The following DENND3 variants were observed in gnomAD, a reference collection of about 807,000 sequenced individuals.
The protein encoded by DENND3 is DENN domain-containing protein 3.
In DENND3, 88 loss-of-function variants were observed where a neutral mutation model predicts 135.1. That is an observed-to-expected ratio of 0.65 (90% CI 0.55 to 0.78). The LOEUF is 0.78. Among genes scored for constraint, DENND3 ranks in the 30% least tolerant of loss-of-function variants. The pLI is 0.00. For missense variants in DENND3, 1,392 were observed against 1,688.4 expected (o/e 0.82, Z 3.08); for synonymous variants, 693 against 712.3 (o/e 0.97, Z 0.43).
intron 20 of DENND3, chr8:141,191,661 T>G (rs569381562): frequency 6.6e-6 from 1 of 152,540 alleles, no homozygotes; most frequent in African/African-American, 2.4e-5. Context: ...CTGAGCACTC[T>G]GTCGTGTGCC....
chr8:141,162,980 G>A (rs1321898945), intron 9 of DENND3, among the ~76,000 whole-genome samples: 2 of 152,212 alleles, frequency 1.3e-5, no homozygotes, highest in Admixed American at 1.3e-4. Flanking sequence ...CGGCCGAGCT[G>A]GTCAGCACTT....
rs747031690 is a variant in DENND3, at chr8:141,168,802, C to T, written c.2275+277C>T. Among the ~76,000 whole-genome samples, 5 of 151,030 alleles carry T rather than the reference C, an allele frequency of 3.3e-5. No individual in the cohort carries two copies. The highest frequency in any genetic ancestry group is 5.9e-5 in the Non-Finnish European group (4 of 67,830). On this transcript the variant is annotated intron_variant, in intron 13 of 22. Coordinates refer to ENST00000519811, the MANE Select transcript of DENND3 (RefSeq NM_001352890.3). The surrounding 1 kb of genome is among the most constrained non-coding windows in gnomAD (Gnocchi z 6.2). ...CTGGGCTCAAGTGATCCACCCACCT[C>T]GGCCTCCCTAAGTGCTGAGATTACA...
At chr8:141,143,186 A>G (rs1048110343) in intron 4 of DENND3, among the ~76,000 whole-genome samples, 3 of 152,238 alleles carry the variant, frequency 2.0e-5, no homozygotes, top group African/African-American at 4.8e-5. Context: ...GTGTGATAAT[A>G]TGCAAAATAT....
chr8:141,161,055 G>C (rs1260392036), intron 9 of DENND3, among the ~76,000 whole-genome samples: 1 of 96,928 alleles, frequency 1.0e-5, no homozygotes, highest in Non-Finnish European at 2.1e-5. Context: ...TCTCCTGCTG[G>C]TGACTGTGCC....
At position 141,174,082 on chromosome 8, in the gene DENND3, A is replaced by T. The variant is rs1347889408; in HGVS notation, c.2276-1118A>T. 1.3e-5 allele frequency among the ~76,000 whole-genome samples: 2 copies of T among 151,984 alleles called. No individual in the cohort carries two copies. The highest frequency in any genetic ancestry group is 2.9e-5 in the Non-Finnish European group (2 of 68,002). ...ACCTGGGTGTTGAGGGATGGGTAGGAGTTTCCTGGTGTGAGCAGGCAGGAT... is the reference window on the plus strand; with the variant it reads ...ACCTGGGTGTTGAGGGATGGGTAGGTGTTTCCTGGTGTGAGCAGGCAGGAT... On this transcript the variant is annotated intron_variant, in intron 13 of 22. Transcript: ENST00000519811. The surrounding 1 kb of genome is among the most constrained non-coding windows in gnomAD (Gnocchi z 4.6).
In DENND3 at chr8:141,141,905, A is replaced by G. The variant is rs374162777; in HGVS notation, c.623+581A>G. ...AAAACAATTTAAAAACTAGTTGGGC[A>G]TGGTGGTGTGTGCCTGTAGTCCCAG... On this transcript the variant is annotated intron_variant, in intron 4 of 22. Coordinates refer to ENST00000519811, the MANE Select transcript of DENND3 (RefSeq NM_001352890.3). This position sits in a 1 kb window ranked among gnomAD's most constrained non-coding sequence, Gnocchi z 5.3. 9 of 192,314 alleles carry G rather than the reference A, an allele frequency of 4.7e-5. No homozygotes were observed. The East Asian group carries it at 6.4e-4, about 14-fold the overall frequency. The allele number at this position is 192,314 out of a possible 1,614,324, so 11.9% of individuals were successfully genotyped here. A position where few individuals can be genotyped will look rare whatever the true frequency, so the allele number is the denominator to read the frequency against.
Position 141,175,259 on chromosome 8 carries a change from A to G in DENND3, c.2335A>G (p.Thr779Ala). The G allele has an allele frequency of 6.2e-7, 1 of 1,614,232 alleles. No individual in the cohort carries two copies. The highest frequency in any genetic ancestry group is 1.3e-5 in the African/African-American group (1 of 75,056). Reference sequence around the variant, plus strand: ...AGATTTCTACAACTGCTGGAAGGAGACGGAAGCAGAAGCCCAGGAGGTCAG... The same window carrying G: ...AGATTTCTACAACTGCTGGAAGGAGGCGGAAGCAGAAGCCCAGGAGGTCAG... ...FKDFYNCWKE[T>A]EAEAQEVSLP... Residue 779 changes from threonine (T) to alanine (A), a missense_variant, in exon 14 of 23, where the codon ACG (threonine) becomes GCG (alanine). Thr to Ala is a moderately conservative substitution (Grantham distance 58). Transcript: ENST00000519811. This position sits in a 1 kb window ranked among gnomAD's most constrained non-coding sequence, Gnocchi z 5.4.
In DENND3 at chr8:141,128,949, G is replaced by A. The variant is rs746700264; in HGVS notation, c.102+140G>A. 1.1e-5 allele frequency: 7 copies of A among 612,320 alleles called. No individual in the cohort carries two copies. The highest frequency in any genetic ancestry group is 3.4e-5 in the South Asian group (1 of 29,272). 37.9% of individuals were successfully genotyped at this position (612,320 alleles called of 1,614,324 possible). The stretch of plus-strand genomic sequence containing the variant: ...GTCCCGGTCCCCCGGCGGTGACCCC[G>A]CGCGCCTGTGGCCGGGGATCGCGCC... On this transcript the variant is annotated intron_variant, in intron 1 of 22. Transcript: ENST00000519811. The surrounding 1 kb of genome is among the most constrained non-coding windows in gnomAD (Gnocchi z 4.5).
intron 18 of DENND3, 129 bp downstream of exon 18, chr8:141,185,407 G>C: frequency 8.0e-7 from 1 of 1,255,388 alleles, no homozygotes; most frequent in African/African-American, 1.5e-5. Flanking sequence ...TGTAAACAGG[G>C]GGTCTTAACT....
chr8:141,161,679 C>A (rs758320444), intron 9 of DENND3, among the ~76,000 whole-genome samples: 1 of 152,208 alleles, frequency 6.6e-6, no homozygotes, highest in African/African-American at 2.4e-5. Flanking sequence ...GAAGGAGGCA[C>A]CCCCGATGCT....
rs778571869 is a variant in DENND3, at chr8:141,138,090, G to A, written c.454G>A (p.Gly152Arg). The A allele has an allele frequency of 1.1e-5, 18 of 1,610,188 alleles. No individual in the cohort carries two copies. The highest frequency in any genetic ancestry group is 4.4e-5 in the South Asian group (4 of 90,064). The change falls in exon 3 of 23, where the codon GGG (glycine) becomes AGG (arginine). Residue 152 changes from glycine to arginine, a missense_variant. Physicochemically the swap from Gly to Arg is moderately radical, Grantham distance 125. Coordinates refer to ENST00000519811, the MANE Select transcript of DENND3 (RefSeq NM_001352890.3). The surrounding 1 kb of genome is among the most constrained non-coding windows in gnomAD (Gnocchi z 4.8). ...VHFLVLTDVC[G>R]NRTYGVVAQY... Reference sequence around the variant, plus strand: ...CTTCCTGGTGCTGACCGATGTCTGCGGGAATAGGACCTATGGCGTGGTGGC... The same window carrying A: ...CTTCCTGGTGCTGACCGATGTCTGCAGGAATAGGACCTATGGCGTGGTGGC...
At position 141,168,028 on chromosome 8, in the gene DENND3, C is replaced by T. The variant is rs777287575; in HGVS notation, c.1778C>T (p.Pro593Leu). The T allele has an allele frequency of 1.1e-5, 17 of 1,613,070 alleles. No individual in the cohort carries two copies. The highest frequency in any genetic ancestry group is 4.5e-5 in the East Asian group (2 of 44,844). ...GTTCTGAATGTCACGCCGAAGTCCC[C>T]GTATACATTCAAGATTCCCGAAATC... ...SAVLNVTPKSPYTFKIPEIHF... is the reference protein window; with the variant it reads ...SAVLNVTPKSLYTFKIPEIHF... Residue 593 changes from proline (P) to leucine (L), a missense_variant, in exon 13 of 23, where the codon CCG becomes CTG. By Grantham distance (98) the Pro-to-Leu change is moderately conservative (BLOSUM62 -3). Coordinates refer to ENST00000519811, the MANE Select transcript of DENND3 (RefSeq NM_001352890.3). The surrounding 1 kb of genome is among the most constrained non-coding windows in gnomAD (Gnocchi z 6.2).
rs373262471 is a variant in DENND3 at position 141,188,988 on chromosome 8, C to T, written c.3087C>T (p.Asn1029=). The T allele has an allele frequency of 7.6e-5, 122 of 1,613,210 alleles. No homozygotes were observed. Among genetic ancestry groups the T allele is most frequent in the Non-Finnish European group, 9.7e-5 (115 of 1,179,722 alleles). Residue 1029 remains asparagine, a splice_region_variant and synonymous_variant, in exon 19 of 23, where the codon AAC becomes AAT. Transcript: ENST00000519811. The part of the protein sequence containing the change: ...HSFKVGTAKV[N]CMVMADQNQV... ...ACGTTCCCGTGGCCTCCTGTTAGAA[C>T]TGCATGGTGATGGCCGACCAGAACC... is the stretch of plus-strand genomic sequence containing the variant.
At chr8:141,183,878 C>T (rs913786869) in intron 17 of DENND3, among the ~76,000 whole-genome samples, 1 of 152,064 alleles carries the variant, frequency 6.6e-6, no homozygotes, top group Admixed American at 6.5e-5. Flanking sequence ...GAGTGGAGTC[C>T]AGGCCGCCAC....
intron 16 of DENND3, among the ~76,000 whole-genome samples, chr8:141,180,212 C>T (rs577981169): frequency 1.3e-5 from 2 of 152,344 alleles, no homozygotes. Flanking sequence ...CTACTGGCAT[C>T]TCATGATGCT....
chr8:141,173,864 C>T (rs962681655), intron 13 of DENND3: 4 of 152,410 alleles, frequency 2.6e-5, no homozygotes, highest in African/African-American at 9.6e-5. Flanking sequence ...CTCAGTTTCC[C>T]CTTTTGAATG....
At chr8:141,157,805 G>T in intron 8 of DENND3, 1 of 979,794 alleles carries the variant, frequency 1.0e-6, no homozygotes, top group African/African-American at 1.8e-5. Context: ...TGTCACCCAG[G>T]CTGGGGTGCA....
chr8:141,192,333 A>G lies in DENND3; in HGVS notation c.3382A>G (p.Thr1128Ala), dbSNP rs751071134. 2 of 1,614,058 alleles carry G rather than the reference A, an allele frequency of 1.2e-6. No homozygotes were observed. The highest frequency in any genetic ancestry group is 1.1e-5 in the South Asian group (1 of 91,084). ...RLHGGRLWCCTGNSIMVMKMN... is the reference protein window; with the variant it reads ...RLHGGRLWCCAGNSIMVMKMN... Reference sequence around the variant, plus strand: ...ATCCTAGCTCCTTCCTTCCACAGGCACAGGTAACAGCATCATGGTCATGAA... The same window carrying G: ...ATCCTAGCTCCTTCCTTCCACAGGCGCAGGTAACAGCATCATGGTCATGAA... The change falls in exon 21 of 23, where the codon ACA becomes GCA. Residue 1128 changes from threonine to alanine, a missense_variant and splice_region_variant. Physicochemically the swap from Thr to Ala is moderately conservative, Grantham distance 58. Transcript: ENST00000519811.
At chr8:141,151,982 T>G in intron 7 of DENND3, 145 bp downstream of exon 7, 1 of 1,003,582 alleles carries the variant, frequency 1.0e-6, no homozygotes. Context: ...GAGAAGTGGC[T>G]GTTCACTCAC....
Sources: allele counts gnomAD v4.1 joint callset (sites outside exome capture counted in the v4.1 genomes callset), GRCh38; gene constraint gnomAD v4.1.1; non-coding constraint Gnocchi (gnomAD v3.1); transcripts MANE v1.5; gene names NCBI Gene and HGNC (gene_info 2026-07-23, HGNC 2026-07-21).